Variants in ABCC3 observed in about 807,000 individuals in gnomAD.
ABCC3 encodes the protein ATP binding cassette subfamily C member 3.
In ABCC3, 121 loss-of-function variants were observed where a neutral mutation model predicts 165.3. The ratio of observed to expected loss-of-function variants is 0.73; its 90% CI spans 0.63 to 0.85. The LOEUF is 0.85. Ranked by LOEUF, ABCC3 falls within the 40% of genes least tolerant of loss-of-function variation. The probability of loss-of-function intolerance (pLI) is 0.00; values close to 1 mark genes in which losing one functional copy is unlikely to be tolerated. For synonymous variants in ABCC3, 733 were observed against 810.1 expected, an observed-to-expected ratio of 0.90 and a Z score of 1.62; for missense variants, 1,869 against 1,964.1, an observed-to-expected ratio of 0.95 and a Z score of 0.92.
chr17:50,655,416 A>AAAAC lies in ABCC3; in HGVS notation c.46-413_46-412insCAAA, dbSNP rs1555586160. Among the ~76,000 whole-genome samples, 12 of 148,842 alleles carry AAAAC rather than the reference A, an allele frequency of 8.1e-5. 1 individual carries two copies. The highest frequency in any genetic ancestry group is 2.7e-4 in the Admixed American group (4 of 14,996). On this transcript the variant is annotated intron_variant, in intron 1 of 30. Transcript: ENST00000285238. The stretch of plus-strand genomic sequence containing the variant: ...TGAGACTCTGTCTCAAAAAAAAAAA[A>AAAAC]AAAAACAAAAACAAAAAAAAAAGAG...
At chr17:50,642,031 T>C (rs1365702546) in intron 1 of ABCC3, among the ~76,000 whole-genome samples, 1 of 150,448 alleles carries the variant, frequency 6.6e-6, no homozygotes, top group African/African-American at 2.4e-5. Context: ...TGTGGCACTG[T>C]CATGCCGTTC....
At chr17:50,661,721 G>A (rs752807113) in intron 8 of ABCC3, among the ~76,000 whole-genome samples, 31 of 152,298 alleles carry the variant, frequency 2.0e-4, no homozygotes, top group Non-Finnish European at 2.2e-4. Flanking sequence ...GGGATACAGA[G>A]TTCAATAAGA....
intron 29 of ABCC3, among the ~76,000 whole-genome samples, chr17:50,685,885 C>A (rs1317866369): frequency 6.6e-6 from 1 of 152,178 alleles, no homozygotes; most frequent in Non-Finnish European, 1.5e-5. Context: ...TACTCATGCA[C>A]CCTCCCCAGA....
chr17:50,660,665 G>A (rs563981337), intron 7 of ABCC3, among the ~76,000 whole-genome samples: 1 of 152,090 alleles, frequency 6.6e-6, no homozygotes, highest in Non-Finnish European at 1.5e-5. Flanking sequence ...TGGGGAGGCG[G>A]GGAGAGGGCC....
intron 18 of ABCC3, 43 bp downstream of exon 18, chr17:50,673,181 G>T: frequency 6.2e-7 from 1 of 1,607,628 alleles, no homozygotes. Context: ...TGAGATCTGA[G>T]GCCCGAAGAG....
intron 26 of ABCC3, 80 bp downstream of exon 26, chr17:50,679,979 C>T: frequency 1.9e-6 from 2 of 1,075,032 alleles, no homozygotes; most frequent in Non-Finnish European, 2.8e-6. Flanking sequence ...TCTCCCTCAA[C>T]ATCAGGGCCT....
At chr17:50,639,554 C>A (rs1262293407) in intron 1 of ABCC3, among the ~76,000 whole-genome samples, 1 of 152,180 alleles carries the variant, frequency 6.6e-6, no homozygotes, top group Non-Finnish European at 1.5e-5. Context: ...AGCACCCGGA[C>A]TGTATTCAGT....
At chr17:50,665,112 A>G in intron 10 of ABCC3, 41 bp from the exon 11 acceptor site, 2 of 1,573,942 alleles carry the variant, frequency 1.3e-6, no homozygotes, top group Non-Finnish European at 1.7e-6. Context: ...GACTTTGGTA[A>G]TCTGTCCCTA....
chr17:50,636,010 G>A (rs529525066), intron 1 of ABCC3: 4 of 161,994 alleles, frequency 2.5e-5, no homozygotes, highest in Admixed American at 1.8e-4. Context: ...TGAGCTAAGT[G>A]CATACAGCCT....
intron 11 of ABCC3, among the ~76,000 whole-genome samples, chr17:50,666,237 C>T (rs1311623202): frequency 1.3e-5 from 2 of 152,016 alleles, no homozygotes; most frequent in Non-Finnish European, 2.9e-5. Context: ...TTTGGGAGGC[C>T]GAGGCAGGTG....
chr17:50,658,007 A>AG lies in ABCC3; in HGVS notation c.487-72dup, dbSNP rs1370212841. 5 of 1,604,022 alleles carry AG rather than the reference A, an allele frequency of 3.1e-6. No individual in the cohort carries two copies. The Admixed American group carries it at 5.0e-5, about 16-fold the overall frequency. On this transcript the variant is annotated intron_variant, in intron 4 of 30. Transcript: ENST00000285238. ...TGCCCCAGAGGAGACTGATGCCCCA[A>AG]GGGACTCCGCAGGGCAGGGGCTGCA...
intron 8 of ABCC3, 141 bp from the exon 9 acceptor site, chr17:50,663,540 C>T: frequency 1.0e-6 from 1 of 978,178 alleles, no homozygotes. Flanking sequence ...GTTGACCCTC[C>T]CTGGCCCAAG....
chr17:50,664,220 G>A, intron 10 of ABCC3, 109 bp downstream of exon 10: 3 of 1,444,944 alleles, frequency 2.1e-6, no homozygotes, highest in Non-Finnish European at 1.9e-6. Context: ...AGTCCCAGCT[G>A]CTCAGGCGGC....
intron 1 of ABCC3, among the ~76,000 whole-genome samples, chr17:50,645,221 G>A (rs115082896): frequency 9.9e-5 from 14 of 140,958 alleles, no homozygotes; most frequent in Non-Finnish European, 1.2e-4. Context: ...AAAAAAGAAA[G>A]AAATTAACCA....
intron 1 of ABCC3, among the ~76,000 whole-genome samples, chr17:50,638,273 G>A (rs1490228157): frequency 1.3e-5 from 2 of 152,082 alleles, no homozygotes; most frequent in East Asian, 1.9e-4. Context: ...GTGGAGGAAG[G>A]GCCTGGAGGT....
chr17:50,655,863 C>T lies in ABCC3; in HGVS notation c.77C>T (p.Pro26Leu), dbSNP rs775874639. ...DSNLSVHTENPDLTPCFQNSL... is the reference protein window; with the variant it reads ...DSNLSVHTENLDLTPCFQNSL... ...AACCTGTCTGTGCACACAGAAAACCCGGACCTCACTCCCTGCTTCCAGAAC... is the reference window on the plus strand; with the variant it reads ...AACCTGTCTGTGCACACAGAAAACCTGGACCTCACTCCCTGCTTCCAGAAC... The change falls in exon 2 of 31, where the codon CCG becomes CTG. Residue 26 changes from proline to leucine, a missense_variant. Pro to Leu is a moderately conservative substitution (Grantham distance 98). Coordinates refer to ENST00000285238, the MANE Select transcript of ABCC3 (RefSeq NM_003786.4). 11 of 1,613,832 alleles carry T rather than the reference C, an allele frequency of 6.8e-6. No individual in the cohort carries two copies. Among genetic ancestry groups the T allele is most frequent in the Admixed American group, 5.0e-5 (3 of 59,966 alleles).
intron 7 of ABCC3, among the ~76,000 whole-genome samples, chr17:50,659,569 G>A (rs1389450385): frequency 1.3e-5 from 2 of 152,192 alleles, no homozygotes; most frequent in African/African-American, 2.4e-5. Context: ...GGTGGGGGCA[G>A]GAGAATGGCT....
chr17:50,668,371 G>T, intron 13 of ABCC3, 59 bp from the exon 14 acceptor site: 1 of 1,470,940 alleles, frequency 6.8e-7, no homozygotes, highest in South Asian at 1.2e-5. Context: ...ATGGGGCGAG[G>T]GTAGGGGTTG....
At chr17:50,689,277 C>A (rs572824435) in intron 30 of ABCC3, among the ~76,000 whole-genome samples, 2 of 152,224 alleles carry the variant, frequency 1.3e-5, no homozygotes, top group Admixed American at 1.3e-4. Context: ...CTAATTCTTG[C>A]GCTAGGCCCT....
Sources: allele counts gnomAD v4.1 joint callset (sites outside exome capture counted in the v4.1 genomes callset), GRCh38; gene constraint gnomAD v4.1.1; transcripts MANE v1.5; gene names NCBI Gene and HGNC (gene_info 2026-07-23, HGNC 2026-07-21).